CD5: variants seen among roughly 807,000 people sequenced by gnomAD.
CD5 encodes the protein T-cell surface glycoprotein CD5.
In CD5, 36 loss-of-function variants were observed where a neutral mutation model predicts 60.3. The observed-to-expected ratio is 0.60, with a 90% CI of 0.46 to 0.79. The LOEUF (loss-of-function observed/expected upper bound fraction) is 0.79. Ranked by LOEUF, CD5 falls within the 30% of genes least tolerant of loss-of-function variation. The probability of loss-of-function intolerance (pLI) is 0.00; values close to 1 mark genes in which losing one functional copy is unlikely to be tolerated. For missense variants in CD5, 540 were observed against 630.6 expected, an observed-to-expected ratio of 0.86 and a Z score of 1.54; for synonymous variants, 230 against 257.6, an observed-to-expected ratio of 0.89 and a Z score of 1.03.
At chr11:61,110,502 T>C (rs979388734) in intron 1 of CD5, among the ~76,000 whole-genome samples, 2 of 152,252 alleles carry the variant, frequency 1.3e-5, no homozygotes, top group Non-Finnish European at 2.9e-5. Flanking sequence ...TCTCACTGCA[T>C]GTTTTACTGA....
intron 2 of CD5, among the ~76,000 whole-genome samples, chr11:61,116,657 CCACA>C (rs1565185124): frequency 3.6e-5 from 5 of 138,520 alleles, no homozygotes; most frequent in East Asian, 2.1e-4. Context: ...CCCACACACA[CCACA>C]CACACCACAC....
At chr11:61,112,724 C>T (rs965576799) in intron 1 of CD5, among the ~76,000 whole-genome samples, 4 of 152,322 alleles carry the variant, frequency 2.6e-5, no homozygotes, top group Admixed American at 2.6e-4. Flanking sequence ...GTACACTTCC[C>T]TGTTGGTGAG....
upstream of CD5, chr11:61,102,388 A>G (rs900865030): frequency 1.0e-5 from 6 of 602,880 alleles, no homozygotes; most frequent in African/African-American, 1.9e-5. Context: ...GAGGAAGTTG[A>G]CAGTTCAACT....
chr11:61,110,839 A>G (rs1860844274), intron 1 of CD5, among the ~76,000 whole-genome samples: 1 of 152,088 alleles, frequency 6.6e-6, no homozygotes, highest in Non-Finnish European at 1.5e-5. Context: ...GAAGAGTGAA[A>G]ACTTTTAAAG....
chr11:61,097,676 C>T (rs1272099542), upstream of CD5, among the ~76,000 whole-genome samples: 3 of 152,144 alleles, frequency 2.0e-5, no homozygotes, highest in Non-Finnish European at 4.4e-5. Context: ...AACTCCTGGG[C>T]TTCCCTGTCT....
chr11:61,125,854 C>T lies in CD5; in HGVS notation c.*2+13C>T. 5.7e-6 allele frequency: 9 copies of T among 1,580,018 alleles called. No individual in the cohort carries two copies. Among genetic ancestry groups the T allele is most frequent in the South Asian group, 2.3e-5 (2 of 88,008 alleles). On this transcript the variant is annotated intron_variant, in intron 10 of 10. Coordinates refer to ENST00000347785, the MANE Select transcript of CD5 (RefSeq NM_014207.4). Reference sequence around the variant, plus strand: ...AGAGGCTGTAAAGGTGAGCCCGTCTCCAGCCTGACCCCAGCACCCCAGGGT... The same window carrying T: ...AGAGGCTGTAAAGGTGAGCCCGTCTTCAGCCTGACCCCAGCACCCCAGGGT...
chr11:61,105,109 G>T (rs1327327951), intron 1 of CD5, among the ~76,000 whole-genome samples: 2 of 152,230 alleles, frequency 1.3e-5, no homozygotes, highest in Admixed American at 1.3e-4. Flanking sequence ...GGCTGGCATC[G>T]GGGCTTGGGG....
upstream of CD5, among the ~76,000 whole-genome samples, chr11:61,102,036 C>G (rs923808610): frequency 2.4e-4 from 36 of 152,220 alleles, no homozygotes; most frequent in African/African-American, 7.2e-4. Context: ...GCTCAAACTT[C>G]CAACCTCATC....
chr11:61,123,082 G>A (rs1248966443), intron 7 of CD5, 50 bp downstream of exon 7: 3 of 1,547,126 alleles, frequency 1.9e-6, no homozygotes, highest in Non-Finnish European at 2.6e-6. Flanking sequence ...AGAGACTGGA[G>A]GGGCTGCACT....
chr11:61,125,720 C>G, intron 9 of CD5, 31 bp from the exon 10 acceptor site: 1 of 1,548,922 alleles, frequency 6.5e-7, no homozygotes, highest in Non-Finnish European at 8.9e-7. Context: ...AGTCAAAAAC[C>G]CTCTGCAAAC....
At chr11:61,102,450 CCCTGAGCACGCCACCCCG>C, upstream of CD5, 5 of 503,796 alleles carry the variant, frequency 9.9e-6, no homozygotes, top group Admixed American at 5.6e-5. Flanking sequence ...TCCCACCCCT[CCCTGAGCACGCCACCCCG>C]CCCTCTCCCT....
chr11:61,120,169 C>CT (rs1171550100), intron 5 of CD5, among the ~76,000 whole-genome samples: 1 of 152,100 alleles, frequency 6.6e-6, no homozygotes, highest in Non-Finnish European at 1.5e-5. Context: ...GCAGGTGAGA[C>CT]TGAGTCTGTG....
intron 5 of CD5, among the ~76,000 whole-genome samples, chr11:61,120,857 C>G (rs1861048216): frequency 6.6e-6 from 1 of 152,242 alleles, no homozygotes; most frequent in African/African-American, 2.4e-5. Flanking sequence ...CTGCAGGCTA[C>G]AACCTGTAAA....
upstream of CD5, among the ~76,000 whole-genome samples, chr11:61,101,550 GTCAACATGGAGATCATACACACACA>G (rs1860687321): frequency 7.2e-6 from 1 of 139,618 alleles, no homozygotes; most frequent in African/African-American, 2.7e-5. Flanking sequence ...GATCACACAA[GTCAACATGGAGATCATACACACACA>G]TCAACATGGA....
intron 1 of CD5, 87 bp downstream of exon 1, chr11:61,102,702 T>A: frequency 8.6e-7 from 1 of 1,168,986 alleles, no homozygotes; most frequent in Non-Finnish European, 1.2e-6. Context: ...AGGCTGACTC[T>A]GGGATCCACA....
In CD5 at chr11:61,122,916, C is replaced by T. The variant is rs771363007; in HGVS notation, c.1109C>T (p.Pro370Leu). Residue 370 changes from proline to leucine, a missense_variant, in exon 7 of 11, where the codon CCA becomes CTA. Pro to Leu is a moderately conservative substitution (Grantham distance 98, BLOSUM62 -3). Coordinates refer to ENST00000347785, the MANE Select transcript of CD5 (RefSeq NM_014207.4). ...CKKVFVTCQD[P>L]NPAGLAAGTV... ...CTTCCTCCTTCCCCAGGCCAGGATCCAAACCCCGCAGGCCTGGCCGCAGGC... is the reference window on the plus strand; with the variant it reads ...CTTCCTCCTTCCCCAGGCCAGGATCTAAACCCCGCAGGCCTGGCCGCAGGC... 6.2e-7 allele frequency: 1 copy of T among 1,612,974 alleles called. No individual in the cohort carries two copies. Among genetic ancestry groups the T allele is most frequent in the Non-Finnish European group, 8.5e-7 (1 of 1,179,228 alleles).
intron 5 of CD5, 92 bp from the exon 6 acceptor site, chr11:61,121,519 C>T: frequency 8.9e-7 from 1 of 1,122,342 alleles, no homozygotes; most frequent in Non-Finnish European, 1.2e-6. Flanking sequence ...CTAGCCAGGG[C>T]CCCGATTTGC....
At chr11:61,102,701 C>G in intron 1 of CD5, 86 bp downstream of exon 1, 1 of 1,168,320 alleles carries the variant, frequency 8.6e-7, no homozygotes, top group South Asian at 1.3e-5. Flanking sequence ...AAGGCTGACT[C>G]TGGGATCCAC....
upstream of CD5, among the ~76,000 whole-genome samples, chr11:61,097,687 A>G (rs1214414312): frequency 1.3e-5 from 2 of 152,192 alleles, no homozygotes; most frequent in Non-Finnish European, 2.9e-5. Context: ...TTCCCTGTCT[A>G]TGCTTCCCGC....
Sources: allele counts gnomAD v4.1 joint callset (sites outside exome capture counted in the v4.1 genomes callset), GRCh38; gene constraint gnomAD v4.1.1; transcripts MANE v1.5; gene names NCBI Gene and HGNC (gene_info 2026-07-23, HGNC 2026-07-21).